NEGR1: variants seen among roughly 807,000 people sequenced by gnomAD.
NEGR1 encodes the protein IgLON family member 4.
Under a neutral mutation model 40.9 loss-of-function variants are expected in NEGR1, and 10 were observed. The ratio of observed to expected loss-of-function variants is 0.24; its 90% CI spans 0.15 to 0.42. NEGR1 has a LOEUF of 0.42. Among genes scored for constraint, NEGR1 ranks in the 10% least tolerant of loss-of-function variants. NEGR1 has a pLI of 1.00. For missense variants in NEGR1, 352 were observed against 438.9 expected, an observed-to-expected ratio of 0.80 and a Z score of 1.77; for synonymous variants, 185 against 166.8, an observed-to-expected ratio of 1.11 and a Z score of -0.84.
At chr1:71,626,489 G>T (rs548707062) in intron 4 of NEGR1, among the ~76,000 whole-genome samples, 6 of 151,098 alleles carry the variant, frequency 4.0e-5, no homozygotes, top group African/African-American at 1.5e-4. Context: ...GCAGTAGTTT[G>T]CTGAGAATGA....
At chr1:71,920,513 A>G (rs1645707614) in intron 2 of NEGR1, among the ~76,000 whole-genome samples, 1 of 152,218 alleles carries the variant, frequency 6.6e-6, no homozygotes, top group East Asian at 1.9e-4. Context: ...TGCCCTATAT[A>G]TACATCTGTC....
chr1:71,787,556 A>G (rs575625365), intron 2 of NEGR1, among the ~76,000 whole-genome samples: 1 of 152,270 alleles, frequency 6.6e-6, no homozygotes, highest in South Asian at 2.1e-4. Context: ...GACTGGAAAT[A>G]TTAATTTTTT....
intron 1 of NEGR1, among the ~76,000 whole-genome samples, chr1:72,238,405 C>T (rs773573413): frequency 6.6e-6 from 1 of 151,768 alleles, no homozygotes; most frequent in Non-Finnish European, 1.5e-5. Flanking sequence ...ACATGTATAT[C>T]GAATTGATTC....
chr1:71,481,390 C>T (rs1297884039), intron 6 of NEGR1, among the ~76,000 whole-genome samples: 1 of 151,888 alleles, frequency 6.6e-6, no homozygotes, highest in African/African-American at 2.4e-5. Flanking sequence ...TTTTTCAAGA[C>T]CTAAATTGTT....
intron 6 of NEGR1, among the ~76,000 whole-genome samples, chr1:71,411,134 A>C (rs1646317284): frequency 6.6e-6 from 1 of 152,204 alleles, no homozygotes; most frequent in Non-Finnish European, 1.5e-5. Context: ...AGTGCTTCAC[A>C]TCCATTTCCC....
intron 2 of NEGR1, among the ~76,000 whole-genome samples, chr1:71,916,500 C>T (rs1180587834): frequency 1.3e-5 from 2 of 152,164 alleles, no homozygotes; most frequent in African/African-American, 4.8e-5. Flanking sequence ...CGCCTGTAAT[C>T]GCAACACTTT....
At chr1:71,507,311 G>C (rs1347514491) in intron 6 of NEGR1, among the ~76,000 whole-genome samples, 1 of 152,106 alleles carries the variant, frequency 6.6e-6, no homozygotes, top group Non-Finnish European at 1.5e-5. Flanking sequence ...GACAGGATAG[G>C]GGTCAAACTA....
At chr1:71,425,113 A>T (rs906257910) in intron 6 of NEGR1, among the ~76,000 whole-genome samples, 7 of 149,712 alleles carry the variant, frequency 4.7e-5, no homozygotes, top group African/African-American at 7.3e-5. Context: ...GTTAGAAATT[A>T]AAAAAAAAAG....
At chr1:72,169,075 A>T (rs1194785706) in intron 1 of NEGR1, among the ~76,000 whole-genome samples, 1 of 152,184 alleles carries the variant, frequency 6.6e-6, no homozygotes, top group Non-Finnish European at 1.5e-5. Flanking sequence ...AACAATTTTT[A>T]AATTTAATAT....
intron 1 of NEGR1, among the ~76,000 whole-genome samples, chr1:72,270,237 A>G (rs1379894385): frequency 6.6e-6 from 1 of 151,876 alleles, no homozygotes; most frequent in Admixed American, 6.6e-5. Context: ...ATGTTCTGGG[A>G]CTGTGGATTC....
intron 1 of NEGR1, among the ~76,000 whole-genome samples, chr1:72,095,253 T>C (rs1648654448): frequency 6.6e-6 from 1 of 152,154 alleles, no homozygotes. Context: ...CATGTTTATT[T>C]TGCACTCAAA....
intron 1 of NEGR1, among the ~76,000 whole-genome samples, chr1:72,179,163 C>G (rs1185996117): frequency 1.3e-5 from 2 of 151,930 alleles, no homozygotes; most frequent in South Asian, 4.1e-4. Flanking sequence ...TTTAATCCAT[C>G]TTGAGTTGAT....
chr1:72,272,836 T>A (rs1286082823), intron 1 of NEGR1, among the ~76,000 whole-genome samples: 1 of 152,042 alleles, frequency 6.6e-6, no homozygotes, highest in Non-Finnish European at 1.5e-5. Flanking sequence ...GTTATAAGCA[T>A]CTTCCCTAAA....
chr1:71,493,734 T>C (rs1401125770), intron 6 of NEGR1, among the ~76,000 whole-genome samples: 1 of 152,174 alleles, frequency 6.6e-6, no homozygotes, highest in Non-Finnish European at 1.5e-5. Context: ...ATTCTGCTCA[T>C]CAACCAAATT....
chr1:71,549,166 G>A (rs1272711789), intron 6 of NEGR1, among the ~76,000 whole-genome samples: 1 of 151,630 alleles, frequency 6.6e-6, no homozygotes, highest in African/African-American at 2.4e-5. Context: ...CAAATATTTT[G>A]TCTAACCTAG....
At chr1:71,468,724 T>G (rs1226989246) in intron 6 of NEGR1, 2 of 151,980 alleles carry the variant, frequency 1.3e-5, no homozygotes. Flanking sequence ...TTTACTGTAT[T>G]AGTAAGTAAA....
intron 6 of NEGR1, among the ~76,000 whole-genome samples, chr1:71,536,121 G>A (rs926760902): frequency 6.6e-6 from 1 of 151,572 alleles, no homozygotes; most frequent in African/African-American, 2.4e-5. Flanking sequence ...AAAGAAGAAT[G>A]GCATGAGTAA....
At chr1:71,873,770 T>C (rs555689102) in intron 2 of NEGR1, among the ~76,000 whole-genome samples, 21 of 152,148 alleles carry the variant, frequency 1.4e-4, no homozygotes, top group African/African-American at 1.9e-4. Context: ...GTTACTGTAA[T>C]AGTTCACATT....
intron 1 of NEGR1, among the ~76,000 whole-genome samples, chr1:72,280,161 C>T (rs1195911782): frequency 1.3e-5 from 2 of 152,074 alleles, no homozygotes; most frequent in Non-Finnish European, 2.9e-5. Flanking sequence ...AGGACTGCAC[C>T]AAACCAACAA....
Sources: allele counts gnomAD v4.1 joint callset (sites outside exome capture counted in the v4.1 genomes callset), GRCh38; gene constraint gnomAD v4.1.1; transcripts MANE v1.5; gene names NCBI Gene and HGNC (gene_info 2026-07-23, HGNC 2026-07-21).